Variants in ZFHX3 observed in about 807,000 individuals in gnomAD.
The protein encoded by ZFHX3 is zinc finger homeobox protein 3.
A neutral mutation model predicts 279.1 loss-of-function variants in ZFHX3; 42 were observed. The observed-to-expected ratio is 0.15, with a 90% CI of 0.12 to 0.19. The LOEUF (loss-of-function observed/expected upper bound fraction) is 0.19, where lower values mean the gene tolerates loss of function less well. Ranked by LOEUF, ZFHX3 falls within the 10% of genes least tolerant of loss-of-function variation. The pLI is 1.00. For synonymous variants in ZFHX3, 2,293 were observed against 1,957.8 expected (o/e 1.17, Z -4.52); for missense variants, 4,981 against 4,754.0 (o/e 1.05, Z -1.40).
At chr16:73,615,895 C>T (rs769419765) in intron 2 of ZFHX3, among the ~76,000 whole-genome samples, 2 of 152,294 alleles carry the variant, frequency 1.3e-5, no homozygotes, top group African/African-American at 4.8e-5. Context: ...CTGTTCCCCT[C>T]TATGATGCTT....
chr16:72,913,194 T>C (rs1405066698), intron 3 of ZFHX3, among the ~76,000 whole-genome samples: 1 of 152,246 alleles, frequency 6.6e-6, no homozygotes, highest in Non-Finnish European at 1.5e-5. Context: ...GCTGGGACAC[T>C]GTCAAAGCAA....
At chr16:73,662,005 A>ATT (rs1427832026) in intron 2 of ZFHX3, among the ~76,000 whole-genome samples, 14 of 35,838 alleles carry the variant, frequency 3.9e-4, no homozygotes, top group Non-Finnish European at 8.0e-4. Context: ...ACAACGGACC[A>ATT]ATTTTTTTTT....
intron 1 of ZFHX3, among the ~76,000 whole-genome samples, chr16:73,739,671 C>T (rs16972435): frequency 0.021 from 3,219 of 152,186 alleles, 72 homozygotes; most frequent in African/African-American, 0.047. Context: ...ATCAGGGACT[C>T]CCAAAAGGGT....
intron 6 of ZFHX3, among the ~76,000 whole-genome samples, chr16:73,142,445 C>G (rs1386830194): frequency 2.6e-5 from 4 of 152,194 alleles, no homozygotes; most frequent in African/African-American, 9.7e-5. Flanking sequence ...TGGCTAGTTA[C>G]CAGTGAGTAC....
At chr16:73,604,579 A>G (rs1251536380) in intron 2 of ZFHX3, among the ~76,000 whole-genome samples, 1 of 152,038 alleles carries the variant, frequency 6.6e-6, no homozygotes, top group African/African-American at 2.4e-5. Context: ...CCTAGTCTCT[A>G]CTAAAAATAC....
chr16:72,889,047 G>T (rs370243086), intron 4 of ZFHX3, among the ~76,000 whole-genome samples: 1 of 151,958 alleles, frequency 6.6e-6, no homozygotes, highest in African/African-American at 2.4e-5. Flanking sequence ...TATGGAAGGC[G>T]GAGTCATGGG....
chr16:73,730,091 G>C (rs182609221), intron 1 of ZFHX3, among the ~76,000 whole-genome samples: 5 of 152,198 alleles, frequency 3.3e-5, no homozygotes, highest in African/African-American at 1.2e-4. Context: ...ACAGAAGGCT[G>C]ACTCTTCTAC....
At chr16:73,291,540 A>T (rs2014770839) in intron 4 of ZFHX3, among the ~76,000 whole-genome samples, 1 of 152,230 alleles carries the variant, frequency 6.6e-6, no homozygotes, top group African/African-American at 2.4e-5. Context: ...CTCAACATGG[A>T]GTTGCTCAGG....
Position 72,796,683 on chromosome 16 carries a change from C to A in ZFHX3, c.5999G>T (p.Ser2000Ile). The change falls in exon 9 of 10, where the codon AGT (serine) becomes ATT (isoleucine). Residue 2000 changes from serine to isoleucine, a missense_variant. By Grantham distance (142) the Ser-to-Ile change is moderately radical (BLOSUM62 -2). Transcript: ENST00000268489. ...ATTCTGATGAACGTGCTCTTGATGACTCTTTAAAATCAAGATGTTGGAAAA... is the reference window on the plus strand; with the variant it reads ...ATTCTGATGAACGTGCTCTTGATGAATCTTTAAAATCAAGATGTTGGAAAA... The part of the protein sequence containing the change: ...KLFSNILILK[S>I]HQEHVHQNYF... 1.9e-6 allele frequency: 3 copies of A among 1,613,984 alleles called. No homozygotes were observed. The highest frequency in any genetic ancestry group is 2.5e-6 in the Non-Finnish European group (3 of 1,180,012).
chr16:73,654,608 T>C (rs1250584761), intron 2 of ZFHX3, among the ~76,000 whole-genome samples: 1 of 151,994 alleles, frequency 6.6e-6, no homozygotes, highest in African/African-American at 2.4e-5. Flanking sequence ...AAAAAGGTAA[T>C]ACAGCATGAA....
intron 4 of ZFHX3, among the ~76,000 whole-genome samples, chr16:72,871,558 T>G (rs948272670): frequency 2.8e-4 from 42 of 152,010 alleles, no homozygotes; most frequent in African/African-American, 9.4e-4. Context: ...GCCAGAATGG[T>G]CTTGATCTCC....
Position 73,717,303 on chromosome 16 carries a change from C to G in ZFHX3, c.-1607-37063G>C, listed in dbSNP as rs764890311. Among the ~76,000 whole-genome samples, 20 of 152,234 alleles carry G rather than the reference C, an allele frequency of 1.3e-4. No homozygotes were observed. The East Asian group carries it at 3.9e-3, about 29-fold the overall frequency. The stretch of plus-strand genomic sequence containing the variant: ...TGTGCATCACAGGATGGAATCTGCC[C>G]TGAAACTCTTTTCTCCAAAGACCAC... On this transcript the variant is annotated intron_variant, in intron 1 of 17. Transcript: ENST00000641206.
chr16:73,179,272 C>T (rs888311144), intron 5 of ZFHX3, among the ~76,000 whole-genome samples: 16 of 152,116 alleles, frequency 1.1e-4, no homozygotes, highest in Admixed American at 7.2e-4. Flanking sequence ...TAGATCCTGT[C>T]CTCTGACATC....
At position 73,748,092 on chromosome 16, in the gene ZFHX3, G is replaced by A. The variant is rs8048976; in HGVS notation, c.-1607-67852C>T. 2.9e-3 allele frequency among the ~76,000 whole-genome samples: 439 copies of A among 152,228 alleles called. 1 individual carries two copies. Among genetic ancestry groups the A allele is most frequent in the African/African-American group, 9.8e-3 (407 of 41,544 alleles). Reference sequence around the variant, plus strand: ...GTGGGTTGTAGGAACCACTCCAAATGTTTCAGAATTTTCCTGAGAAAATGT... The same window carrying A: ...GTGGGTTGTAGGAACCACTCCAAATATTTCAGAATTTTCCTGAGAAAATGT... On this transcript the variant is annotated intron_variant, in intron 1 of 17. Transcript: ENST00000641206.
intron 3 of ZFHX3, among the ~76,000 whole-genome samples, chr16:73,329,339 C>T (rs2015754009): frequency 6.6e-6 from 1 of 152,248 alleles, no homozygotes; most frequent in Non-Finnish European, 1.5e-5. Flanking sequence ...TCTTCCTACC[C>T]TTTCCACCCT....
At chr16:73,229,206 A>G (rs1015037729) in intron 5 of ZFHX3, among the ~76,000 whole-genome samples, 2 of 152,178 alleles carry the variant, frequency 1.3e-5, no homozygotes, top group South Asian at 2.1e-4. Flanking sequence ...CTCTCTGCTC[A>G]CAGCAACAAA....
intron 5 of ZFHX3, among the ~76,000 whole-genome samples, chr16:73,174,529 G>A (rs1287929802): frequency 6.6e-6 from 1 of 151,996 alleles, no homozygotes. Flanking sequence ...TGCTTGGGCT[G>A]CCTCTCAAAT....
At chr16:72,974,827 CT>C (rs1032007387) in intron 1 of ZFHX3, among the ~76,000 whole-genome samples, 2 of 152,192 alleles carry the variant, frequency 1.3e-5, no homozygotes, top group African/African-American at 2.4e-5. Context: ...CGAGAGACCC[CT>C]TTGGGATGTG....
chr16:73,835,181 G>T (rs951203946), intron 1 of ZFHX3, among the ~76,000 whole-genome samples: 2 of 152,180 alleles, frequency 1.3e-5, no homozygotes, highest in East Asian at 3.9e-4. Flanking sequence ...ACTCCCCAAA[G>T]AGGGTGCCTG....
Sources: allele counts gnomAD v4.1 joint callset (sites outside exome capture counted in the v4.1 genomes callset), GRCh38; gene constraint gnomAD v4.1.1; transcripts MANE v1.5; gene names NCBI Gene and HGNC (gene_info 2026-07-23, HGNC 2026-07-21).